The following PIMREG variants were observed in gnomAD, a reference collection of about 807,000 sequenced individuals.
PIMREG encodes protein PIMREG.
Under a neutral mutation model 24.3 loss-of-function variants are expected in PIMREG, and 19 were observed. That is an observed-to-expected ratio of 0.78 (90% CI 0.54 to 1.15). The LOEUF is 1.15. Among genes scored for constraint, PIMREG ranks in the 50% most tolerant of loss-of-function variants. The probability of loss-of-function intolerance (pLI) is 0.00; values close to 1 mark genes in which losing one functional copy is unlikely to be tolerated. For missense variants in PIMREG, 283 were observed against 306.8 expected (o/e 0.92, Z 0.58); for synonymous variants, 112 against 124.1 (o/e 0.90, Z 0.65).
At chr17:6,450,301 G>A (rs749201861) in intron 5 of PIMREG, 61 bp from the exon 6 acceptor site, 4 of 1,457,290 alleles carry the variant, frequency 2.7e-6, no homozygotes, top group Non-Finnish European at 3.7e-6. Flanking sequence ...CAGTGAGCAG[G>A]GAAAGGCATC....
chr17:6,446,035 A>T, intron 2 of PIMREG: 1 of 401,246 alleles, frequency 2.5e-6, no homozygotes, highest in East Asian at 3.6e-5. Context: ...TAGCTACATG[A>T]TGGAGAAGGG....
chr17:6,450,278 A>AC (rs1913773276), intron 5 of PIMREG, 84 bp from the exon 6 acceptor site: 2 of 1,320,348 alleles, frequency 1.5e-6, no homozygotes, highest in Non-Finnish European at 2.1e-6. Context: ...ACCTTCCAGC[A>AC]CCCCCCACCC....
In PIMREG at chr17:6,447,602, G is replaced by C. The variant is rs1202217070; in HGVS notation, c.434G>C (p.Gly145Ala). ...SLSQKSTRLS[G>A]AAPAHSAADP... ...AGCCAGAAGAGCACCCGGCTGTCTG[G>C]AGCCGCCCCTGCCCACTCAGCCGCA... Residue 145 changes from glycine (G) to alanine (A), a missense_variant, in exon 3 of 6, where the codon GGA (glycine) becomes GCA (alanine). By Grantham distance (60) the Gly-to-Ala change is moderately conservative. Coordinates refer to ENST00000572447, the MANE Select transcript of PIMREG (RefSeq NM_019013.3). 1 of 1,613,912 alleles carries C rather than the reference G, an allele frequency of 6.2e-7. No homozygotes were observed. The highest frequency in any genetic ancestry group is 1.7e-5 in the Admixed American group (1 of 60,008).
At chr17:6,447,174 C>T (rs1390987812) in intron 2 of PIMREG, among the ~76,000 whole-genome samples, 3 of 151,970 alleles carry the variant, frequency 2.0e-5, no homozygotes, top group South Asian at 2.1e-4. Context: ...TGCCATGGTG[C>T]GATCTCGGCT....
In PIMREG at chr17:6,451,103, C is replaced by T. The variant is rs531014227; in HGVS notation, c.*756C>T. On this transcript the variant is annotated 3_prime_UTR_variant, in exon 6 of 6. Coordinates refer to ENST00000572447, the MANE Select transcript of PIMREG (RefSeq NM_019013.3). Reference sequence around the variant, plus strand: ...TTCACCGGCAACCTCCAACCTCCCCCGCCCTCCCACACCACTCTGGGCTAT... The same window carrying T: ...TTCACCGGCAACCTCCAACCTCCCCTGCCCTCCCACACCACTCTGGGCTAT... The T allele has an allele frequency of 2.0e-5, 3 of 152,368 alleles. No homozygotes were observed. Among genetic ancestry groups the T allele is most frequent in the African/African-American group, 7.2e-5 (3 of 41,584 alleles). The allele number at this position is 152,368 out of a possible 1,614,324, so 9.4% of individuals were successfully genotyped here.
At chr17:6,447,278 A>AC (rs1031100132) in intron 2 of PIMREG, 185 bp from the exon 3 acceptor site, 8 of 627,134 alleles carry the variant, frequency 1.3e-5, no homozygotes, top group Non-Finnish European at 1.9e-5. Context: ...CGCCTGGCTA[A>AC]TTTTTTTTTG....
At chr17:6,449,694 C>T in intron 4 of PIMREG, 3 of 1,386,340 alleles carry the variant, frequency 2.2e-6, no homozygotes, top group Non-Finnish European at 2.8e-6. Context: ...AAAACCTGCC[C>T]TTCCTCCAGA....
intron 2 of PIMREG, among the ~76,000 whole-genome samples, chr17:6,447,150 C>T (rs976845513): frequency 3.9e-5 from 6 of 151,926 alleles, no homozygotes; most frequent in South Asian, 2.1e-4. Context: ...CTCACTCTGT[C>T]GCCCAGGCTG....
In PIMREG at chr17:6,445,365, A is replaced by C. The variant is rs1479335905; in HGVS notation, c.255A>C (p.Ala85=). ...PEPGQQGLQA[A]ARSAKSALGA... ...CAGGTCAGCAGGGCCTCCAGGCTGCAGCTCGCTCAGCTAAGAGTGCTTTGG... is the reference window on the plus strand; with the variant it reads ...CAGGTCAGCAGGGCCTCCAGGCTGCCGCTCGCTCAGCTAAGAGTGCTTTGG... The change falls in exon 2 of 6, where the codon GCA becomes GCC. Residue 85 remains alanine (A), a synonymous_variant. Coordinates refer to ENST00000572447, the MANE Select transcript of PIMREG (RefSeq NM_019013.3). The C allele has an allele frequency of 2.5e-6, 4 of 1,613,964 alleles. No individual in the cohort carries two copies. Among genetic ancestry groups the C allele is most frequent in the Middle Eastern group, 1.7e-4 (1 of 6,060 alleles).
At position 6,450,444 on chromosome 17, in the gene PIMREG, G is replaced by C. The variant is rs920300786; in HGVS notation, c.*97G>C. The C allele has an allele frequency of 2.6e-6, 4 of 1,557,762 alleles. No individual in the cohort carries two copies. The highest frequency in any genetic ancestry group is 3.5e-6 in the Non-Finnish European group (4 of 1,158,188). The stretch of plus-strand genomic sequence containing the variant: ...GTGAGCTTCCTGGAAAAAACCCCCG[G>C]GAGTCGTCAGTACCCCTGGGCCACT... On this transcript the variant is annotated 3_prime_UTR_variant, in exon 6 of 6. Transcript: ENST00000572447.
At chr17:6,447,269 G>A (rs1021534271) in intron 2 of PIMREG, 194 bp from the exon 3 acceptor site, 14 of 577,354 alleles carry the variant, frequency 2.4e-5, no homozygotes, top group South Asian at 8.6e-5. Context: ...CCGCCACCGC[G>A]CCTGGCTAAT....
intron 3 of PIMREG, among the ~76,000 whole-genome samples, chr17:6,448,719 T>C (rs1387290162): frequency 3.3e-5 from 5 of 152,070 alleles, no homozygotes; most frequent in Non-Finnish European, 5.9e-5. Flanking sequence ...GTGAAGCTCA[T>C]CCCAATCGGC....
At chr17:6,449,720 T>C (rs1448805850) in intron 4 of PIMREG, 1 of 1,398,006 alleles carries the variant, frequency 7.2e-7, no homozygotes, top group Non-Finnish European at 9.2e-7. Flanking sequence ...CCGTGGCTCG[T>C]CTGTGCCCTG....
chr17:6,447,151 G>A (rs1033990825), intron 2 of PIMREG, among the ~76,000 whole-genome samples: 14 of 151,746 alleles, frequency 9.2e-5, no homozygotes, highest in East Asian at 5.8e-4. Flanking sequence ...TCACTCTGTC[G>A]CCCAGGCTGG....
rs370694317 is a variant in PIMREG at position 6,449,399 on chromosome 17, G to A, written c.678G>A (p.Ala226=). The A allele has an allele frequency of 6.6e-5, 106 of 1,612,846 alleles. 3 individuals carry two copies. The Middle Eastern group carries it at 1.2e-3, about 18-fold the overall frequency. ...LSQELDEAIM[A]EESGDIVSLI... is the part of the protein sequence containing the mutation. ...AAGAGCTAGATGAAGCCATTATGGCGGAAGAGAGGTGAGTTGGCATCCCAT... is the reference window on the plus strand; with the variant it reads ...AAGAGCTAGATGAAGCCATTATGGCAGAAGAGAGGTGAGTTGGCATCCCAT... The change falls in exon 4 of 6, where the codon GCG becomes GCA. Residue 226 remains alanine, a synonymous_variant. Transcript: ENST00000572447.
In PIMREG at chr17:6,450,584, G is replaced by A; in HGVS notation, c.*237G>A. Reference sequence around the variant, plus strand: ...CTTGGGGAGACCTTGCAGAGGGGGAGAATTGTTCCTTCTGCTTTCCTAGGG... The same window carrying A: ...CTTGGGGAGACCTTGCAGAGGGGGAAAATTGTTCCTTCTGCTTTCCTAGGG... On this transcript the variant is annotated 3_prime_UTR_variant, in exon 6 of 6. Transcript: ENST00000572447. The A allele has an allele frequency of 1.8e-6, 1 of 546,750 alleles. No homozygotes were observed. The allele number at this position is 546,750 out of a possible 1,614,324, so 33.9% of individuals were successfully genotyped here. A position where few individuals can be genotyped will look rare whatever the true frequency, so the allele number is the denominator to read the frequency against.
Position 6,445,093 on chromosome 17 carries a change from A to T in PIMREG, c.-18A>T. 6.4e-7 allele frequency: 1 copy of T among 1,568,460 alleles called. No homozygotes were observed. Reference sequence around the variant, plus strand: ...CTCCCCAGGGTCTAGTGGACAGAGAAGACTCTTGGCCAGGCAGATGGCTTC... The same window carrying T: ...CTCCCCAGGGTCTAGTGGACAGAGATGACTCTTGGCCAGGCAGATGGCTTC... On this transcript the variant is annotated 5_prime_UTR_variant, in exon 2 of 6. In the 5' UTR this introduces an upstream ATG that the reference lacks. Coordinates refer to ENST00000572447, the MANE Select transcript of PIMREG (RefSeq NM_019013.3).
In PIMREG at chr17:6,447,592, C is replaced by T. The variant is rs762411331; in HGVS notation, c.424C>T (p.Arg142Trp). 13 of 1,614,054 alleles carry T rather than the reference C, an allele frequency of 8.1e-6. No homozygotes were observed. Among genetic ancestry groups the T allele is most frequent in the Middle Eastern group, 1.7e-4 (1 of 6,008 alleles). Reference protein sequence around the residue: ...PTHSLSQKSTRLSGAAPAHSA... With the variant: ...PTHSLSQKSTWLSGAAPAHSA... Reference sequence around the variant, plus strand: ...TCACAGCCTGAGCCAGAAGAGCACCCGGCTGTCTGGAGCCGCCCCTGCCCA... The same window carrying T: ...TCACAGCCTGAGCCAGAAGAGCACCTGGCTGTCTGGAGCCGCCCCTGCCCA... Residue 142 changes from arginine (R) to tryptophan (W), a missense_variant, in exon 3 of 6, where the codon CGG becomes TGG. By Grantham distance (101) the Arg-to-Trp change is moderately radical. Transcript: ENST00000572447.
intron 5 of PIMREG, 48 bp from the exon 6 acceptor site, chr17:6,450,314 T>C (rs1427610554): frequency 1.3e-6 from 2 of 1,499,180 alleles, no homozygotes; most frequent in Non-Finnish European, 1.8e-6. Flanking sequence ...AAGGCATCCC[T>C]ACTTCTCCTA....
Sources: allele counts gnomAD v4.1 joint callset (sites outside exome capture counted in the v4.1 genomes callset), GRCh38; gene constraint gnomAD v4.1.1; transcripts MANE v1.5; gene names NCBI Gene and HGNC (gene_info 2026-07-23, HGNC 2026-07-21).